THEMIS: variants seen among roughly 807,000 people sequenced by gnomAD.
THEMIS encodes the protein protein THEMIS.
THEMIS carries 37 observed loss-of-function variants against 52.6 expected under a neutral mutation model. That is an observed-to-expected ratio of 0.70 (90% confidence interval 0.54 to 0.93). The LOEUF is 0.93. Among genes scored for constraint, THEMIS ranks in the 40% least tolerant of loss-of-function variants. The pLI is 0.00. For missense variants in THEMIS, 808 were observed against 763.1 expected (o/e 1.06, Z -0.69); for synonymous variants, 292 against 272.7 (o/e 1.07, Z -0.70).
At chr6:127,913,099 G>GTT (rs1562336540) in intron 1 of THEMIS, among the ~76,000 whole-genome samples, 1 of 152,128 alleles carries the variant, frequency 6.6e-6, no homozygotes, top group Non-Finnish European at 1.5e-5. Flanking sequence ...TGAACGTAAT[G>GTT]CTCTGCTGGC....
chr6:127,747,856 T>C (rs2114319872), intron 4 of THEMIS, among the ~76,000 whole-genome samples: 1 of 152,222 alleles, frequency 6.6e-6, no homozygotes, highest in South Asian at 2.1e-4. Context: ...TCTCCCATTC[T>C]CTTTTAGACT....
chr6:127,863,841 A>G (rs1779887094), intron 1 of THEMIS, among the ~76,000 whole-genome samples: 1 of 152,204 alleles, frequency 6.6e-6, no homozygotes, highest in Admixed American at 6.5e-5. Flanking sequence ...TCACACTAGC[A>G]ATATTTGGCT....
chr6:127,733,853 A>G (rs1774893965), intron 4 of THEMIS, among the ~76,000 whole-genome samples: 1 of 152,212 alleles, frequency 6.6e-6, no homozygotes, highest in Non-Finnish European at 1.5e-5. Flanking sequence ...GACATGTAGT[A>G]AACAGAAAAG....
chr6:127,861,424 C>T (rs1779792172), intron 1 of THEMIS, among the ~76,000 whole-genome samples: 1 of 152,042 alleles, frequency 6.6e-6, no homozygotes, highest in South Asian at 2.1e-4. Context: ...TTATCTATTT[C>T]CCTAACTTTG....
At chr6:127,725,779 C>G (rs1774523508) in intron 4 of THEMIS, among the ~76,000 whole-genome samples, 1 of 152,100 alleles carries the variant, frequency 6.6e-6, no homozygotes, top group Non-Finnish European at 1.5e-5. Flanking sequence ...TGCTTCTGAG[C>G]TTGTTCAGCC....
rs1197660495 is a variant in THEMIS at position 127,734,868 on chromosome 6, CAAAAAAA to C, written c.1759-15052_1759-15046del. ...TGGGCGATAGAGCAAGGCTCTGTCT[CAAAAAAA>C]AAAAAAAAAAAAAAAAAAAAAATAT... On this transcript the variant is annotated intron_variant, in intron 4 of 5. Coordinates refer to ENST00000368248, the MANE Select transcript of THEMIS (RefSeq NM_001010923.3). Among the ~76,000 whole-genome samples the C allele has an allele frequency of 8.5e-3, 277 of 32,692 alleles. 2 individuals carry two copies. Among genetic ancestry groups the C allele is most frequent in the African/African-American group, 0.036 (247 of 6,854 alleles). 21.4% of individuals were successfully genotyped at this position (32,692 alleles called of 152,430 possible).
intron 5 of THEMIS, among the ~76,000 whole-genome samples, chr6:127,713,564 T>C (rs1198599441): frequency 6.6e-6 from 1 of 151,796 alleles, no homozygotes; most frequent in Non-Finnish European, 1.5e-5. Context: ...GCAAAATATG[T>C]TAGAGAGCAC....
intron 4 of THEMIS, among the ~76,000 whole-genome samples, chr6:127,739,368 C>G (rs1775117745): frequency 1.3e-5 from 2 of 152,260 alleles, no homozygotes; most frequent in South Asian, 4.1e-4. Context: ...TATTTCTAGG[C>G]CAGGCCCAGT....
At chr6:127,835,113 T>C (rs991322497) in intron 2 of THEMIS, among the ~76,000 whole-genome samples, 2 of 151,890 alleles carry the variant, frequency 1.3e-5, no homozygotes, top group Non-Finnish European at 2.9e-5. Flanking sequence ...CACATAGAGG[T>C]ATCAGGGCTA....
intron 4 of THEMIS, among the ~76,000 whole-genome samples, chr6:127,774,911 C>A (rs1776509773): frequency 1.3e-5 from 2 of 152,102 alleles, no homozygotes; most frequent in South Asian, 4.1e-4. Context: ...AATAAAGAAA[C>A]CAGCTATATG....
intron 1 of THEMIS, among the ~76,000 whole-genome samples, chr6:127,889,973 G>C (rs765215852): frequency 6.6e-6 from 1 of 152,080 alleles, no homozygotes; most frequent in Admixed American, 6.6e-5. Context: ...AGAGTGACAC[G>C]TCTTCTATTA....
chr6:127,812,736 T>C lies in THEMIS; in HGVS notation c.1758+147A>G. 3 of 767,524 alleles carry C rather than the reference T, an allele frequency of 3.9e-6. No individual in the cohort carries two copies. In the Admixed American group the frequency reaches 7.3e-5, roughly 19 times the overall value. The allele number at this position is 767,524 out of a possible 1,614,324, so 47.5% of individuals were successfully genotyped here. The stretch of plus-strand genomic sequence containing the variant: ...TGCAACAGCTTACACACTGTTGATG[T>C]TCATTCATCTACTGCACATCAGAAA... On this transcript the variant is annotated intron_variant, in intron 4 of 5. Transcript: ENST00000368248.
At chr6:127,740,545 C>G (rs1385355488) in intron 4 of THEMIS, among the ~76,000 whole-genome samples, 6 of 152,198 alleles carry the variant, frequency 3.9e-5, no homozygotes, top group Non-Finnish European at 1.5e-5. Context: ...CCTGAAACTT[C>G]CCAATGTCAT....
At chr6:127,790,522 A>C (rs1001904152) in intron 4 of THEMIS, among the ~76,000 whole-genome samples, 6 of 152,194 alleles carry the variant, frequency 3.9e-5, no homozygotes, top group Admixed American at 3.3e-4. Flanking sequence ...ATTTTTTGAC[A>C]TACATTATTT....
chr6:127,811,056 A>G (rs1032224415), intron 4 of THEMIS, among the ~76,000 whole-genome samples: 3 of 152,078 alleles, frequency 2.0e-5, no homozygotes, highest in Non-Finnish European at 4.4e-5. Context: ...ACAAACAACA[A>G]CAAAAAAAAC....
intron 4 of THEMIS, among the ~76,000 whole-genome samples, chr6:127,789,933 A>G (rs1777102485): frequency 6.6e-6 from 1 of 152,230 alleles, no homozygotes; most frequent in South Asian, 2.1e-4. Context: ...TTGCATGGGC[A>G]AAAGCTGGAA....
chr6:127,717,650 C>T lies in THEMIS; in HGVS notation c.1894+2038G>A, dbSNP rs1774216240. On this transcript the variant is annotated intron_variant, in intron 5 of 5. Transcript: ENST00000368248. ...ATTACACAATTCGTGTTCAGTCATT[C>T]ACAGCAAAATTTCAGTTGTTGACAT... Among the ~76,000 whole-genome samples the T allele has an allele frequency of 5.3e-5, 8 of 151,794 alleles. No homozygotes were observed. The South Asian group carries it at 1.7e-3, about 31-fold the overall frequency.
At chr6:127,706,086 C>T (rs985916019), downstream of THEMIS, among the ~76,000 whole-genome samples, 1 of 151,800 alleles carries the variant, frequency 6.6e-6, no homozygotes, top group African/African-American at 2.4e-5. Context: ...ATAACAAGGA[C>T]TAGATGAGTA....
At chr6:127,700,956 C>T in the THEMIS span, among the ~76,000 whole-genome samples, 1 of 151,780 alleles carries the variant, frequency 6.6e-6, no homozygotes, top group Non-Finnish European at 1.5e-5. Context: ...CAAACTTTAC[C>T]CCAGGGTACC....
Sources: gnomAD v4.1 joint callset for allele counts (sites outside exome capture counted in the v4.1 genomes callset) on GRCh38, gnomAD v4.1.1 for gene constraint, MANE v1.5 for transcripts, NCBI Gene and HGNC (gene_info 2026-07-23, HGNC 2026-07-21) for gene names.